The following TMED1 variants were observed in gnomAD, a reference collection of about 807,000 sequenced individuals.
The protein encoded by TMED1 is transmembrane emp24 domain-containing protein 1.
TMED1 carries 20 observed loss-of-function variants against 21.2 expected under a neutral mutation model. That is an observed-to-expected ratio of 0.95 (90% CI 0.67 to 1.37). The LOEUF is 1.37. Ranked by LOEUF, TMED1 falls within the 40% of genes most tolerant of loss-of-function variation. The pLI is 0.00. For missense variants in TMED1, 316 were observed against 309.8 expected, an observed-to-expected ratio of 1.02 and a Z score of -0.15; for synonymous variants, 149 against 134.7, an observed-to-expected ratio of 1.11 and a Z score of -0.74.
chr19:10,833,840 G>A (rs1754699454), intron 3 of TMED1, among the ~76,000 whole-genome samples: 2 of 152,142 alleles, frequency 1.3e-5, no homozygotes. Flanking sequence ...AGGCTGCAAT[G>A]GGCTATGATC....
chr19:10,835,468 C>T (rs1357148320), intron 1 of TMED1, 115 bp from the exon 2 acceptor site: 2 of 1,499,690 alleles, frequency 1.3e-6, no homozygotes, highest in Non-Finnish European at 1.8e-6. Context: ...CTTACCTGAA[C>T]GGCGGCACAC....
At position 10,835,093 on chromosome 19, in the gene TMED1, G is replaced by A; in HGVS notation, c.306C>T (p.Asp102=). 6.2e-7 allele frequency: 1 copy of A among 1,614,124 alleles called. No individual in the cohort carries two copies. The highest frequency in any genetic ancestry group is 8.5e-7 in the Non-Finnish European group (1 of 1,179,988). Residue 102 remains aspartate (D), a synonymous_variant, in exon 3 of 4, where the codon GAC becomes GAT. Coordinates refer to ENST00000214869, the MANE Select transcript of TMED1 (RefSeq NM_006858.4). ...VHTVEPTEAG[D]YKLCFDNSFS... is the part of the protein sequence containing the mutation. ...AGGAGTTGTCAAAGCACAGCTTGTA[G>A]TCCCCGGCCTCCGTTGGCTCCACCC...
chr19:10,834,049 A>G (rs1948149563), intron 3 of TMED1, among the ~76,000 whole-genome samples: 1 of 152,194 alleles, frequency 6.6e-6, no homozygotes, highest in South Asian at 2.1e-4. Flanking sequence ...TGGCACAGCT[A>G]TTCAGGAGGC....
Position 10,832,192 on chromosome 19 carries a change from AC to A in TMED1, c.*802del. On this transcript the variant is annotated 3_prime_UTR_variant, in exon 4 of 4. Coordinates refer to ENST00000214869, the MANE Select transcript of TMED1 (RefSeq NM_006858.4). ...GGTGAAGCGGGGACCCCAGCGCTCCACCCCCTTCCTACCCTCAGGCCCTGCT... is the reference window on the plus strand; with the variant it reads ...GGTGAAGCGGGGACCCCAGCGCTCCACCCCTTCCTACCCTCAGGCCCTGCT... 1 of 975,884 alleles carries A rather than the reference AC, an allele frequency of 1.0e-6. No homozygotes were observed. The highest frequency in any genetic ancestry group is 1.4e-6 in the Non-Finnish European group (1 of 705,182). 60.5% of individuals were successfully genotyped at this position (975,884 alleles called of 1,614,324 possible).
In TMED1 at chr19:10,835,220, T is replaced by C. The variant is rs201019318; in HGVS notation, c.281+36A>G. ...AGGCCGCCTGGGAAGGGCAGGGCTGTAACTGAACCCAGGCAGGCATCAAGA... is the reference window on the plus strand; with the variant it reads ...AGGCCGCCTGGGAAGGGCAGGGCTGCAACTGAACCCAGGCAGGCATCAAGA... On this transcript the variant is annotated intron_variant, in intron 2 of 3. Transcript: ENST00000214869. The C allele has an allele frequency of 5.5e-5, 89 of 1,613,722 alleles. No homozygotes were observed. In the East Asian group the frequency reaches 1.5e-3, roughly 28 times the overall value.
Position 10,832,181 on chromosome 19 carries a change from C to G in TMED1, c.*814G>C, listed in dbSNP as rs1446234197. On this transcript the variant is annotated 3_prime_UTR_variant, in exon 4 of 4. Coordinates refer to ENST00000214869, the MANE Select transcript of TMED1 (RefSeq NM_006858.4). ...GGCTGCTGCCTGGTGAAGCGGGGAC[C>G]CCAGCGCTCCACCCCCTTCCTACCC... is the stretch of plus-strand genomic sequence containing the variant. 1.2e-6 allele frequency: 1 copy of G among 859,830 alleles called. No individual in the cohort carries two copies. The highest frequency in any genetic ancestry group is 1.7e-6 in the Non-Finnish European group (1 of 602,224). The allele number at this position is 859,830 out of a possible 1,614,324, so 53.3% of individuals were successfully genotyped here.
In TMED1 at chr19:10,832,882, G is replaced by T; in HGVS notation, c.*113C>A. 8.1e-7 allele frequency: 1 copy of T among 1,240,166 alleles called. No individual in the cohort carries two copies. The highest frequency in any genetic ancestry group is 1.1e-6 in the Non-Finnish European group (1 of 887,610). 76.8% of individuals were successfully genotyped at this position (1,240,166 alleles called of 1,614,324 possible). Reference sequence around the variant, plus strand: ...CTCATGGGGCCAGACCGCAGGCCCTGACTGCACACTCCCGTTTTGGCAGGA... The same window carrying T: ...CTCATGGGGCCAGACCGCAGGCCCTTACTGCACACTCCCGTTTTGGCAGGA... On this transcript the variant is annotated 3_prime_UTR_variant, in exon 4 of 4. Transcript: ENST00000214869.
In TMED1 at chr19:10,835,530, A is replaced by C. The variant is rs2073418016; in HGVS notation, c.184-177T>G. ...GGCTGCGCCCCTTGCCTCCACCCTCATTGATATGACAGCTTGGGGTCCATA... is the reference window on the plus strand; with the variant it reads ...GGCTGCGCCCCTTGCCTCCACCCTCCTTGATATGACAGCTTGGGGTCCATA... On this transcript the variant is annotated intron_variant, in intron 1 of 3. Transcript: ENST00000214869. The C allele has an allele frequency of 2.1e-6, 3 of 1,455,716 alleles. No homozygotes were observed. In the East Asian group the frequency reaches 7.5e-5, roughly 36 times the overall value. 90.2% of individuals were successfully genotyped at this position (1,455,716 alleles called of 1,614,324 possible).
At chr19:10,835,700 C>T (rs2073420171) in intron 1 of TMED1, 1 of 1,403,370 alleles carries the variant, frequency 7.1e-7, no homozygotes, top group Non-Finnish European at 9.3e-7. Flanking sequence ...GGCAACGCCC[C>T]CGCAGTTGAC....
chr19:10,834,929 C>T lies in TMED1; in HGVS notation c.465+5G>A. ...AGGAGTGGCCCCAGCGCAGCCTGGA[C>T]ACACCTTGATGTCCTCCATTTTAAC... On this transcript the variant is annotated splice_donor_5th_base_variant and intron_variant, in intron 3 of 3. Transcript: ENST00000214869. 1 of 1,612,878 alleles carries T rather than the reference C, an allele frequency of 6.2e-7. No individual in the cohort carries two copies.
chr19:10,832,972 C>T lies in TMED1; in HGVS notation c.*23G>A, dbSNP rs200797040. On this transcript the variant is annotated 3_prime_UTR_variant, in exon 4 of 4. Coordinates refer to ENST00000214869, the MANE Select transcript of TMED1 (RefSeq NM_006858.4). ...ACACCCTGCTGCCCCTCCTTTGTCC[C>T]GTTCTTCCTTCCATGGCAGGGGCTA... is the stretch of plus-strand genomic sequence containing the variant. 2.5e-4 allele frequency: 406 copies of T among 1,607,404 alleles called. 7 individuals are homozygous for T. In the East Asian group the frequency reaches 8.8e-3, roughly 35 times the overall value.
Position 10,833,207 on chromosome 19 carries a change from T to G in TMED1, c.472A>C (p.Ile158Leu). 1 of 1,612,442 alleles carries G rather than the reference T, an allele frequency of 6.2e-7. No individual in the cohort carries two copies. The highest frequency in any genetic ancestry group is 8.5e-7 in the Non-Finnish European group (1 of 1,179,524). Residue 158 changes from isoleucine (I) to leucine (L), a missense_variant, in exon 4 of 4, where the codon ATT (isoleucine) becomes CTT (leucine). Transcript: ENST00000214869. ...DVKMEDIKES[I>L]ETMRTRLERS... ...TCCAGCCGGGTCCGCATGGTCTCAA[T>G]GGACTCCTACAGGGCAGCGGGAGGG...
At chr19:10,834,283 T>G (rs2073397455) in intron 3 of TMED1, among the ~76,000 whole-genome samples, 1 of 152,152 alleles carries the variant, frequency 6.6e-6, no homozygotes, top group Admixed American at 6.6e-5. Context: ...TTGGTCTGTG[T>G]GGCCGTGAGT....
At position 10,832,758 on chromosome 19, in the gene TMED1, G is replaced by A; in HGVS notation, c.*237C>T. 1 of 604,400 alleles carries A rather than the reference G, an allele frequency of 1.7e-6. No homozygotes were observed. Among genetic ancestry groups the A allele is most frequent in the Non-Finnish European group, 2.9e-6 (1 of 341,340 alleles). The allele number at this position is 604,400 out of a possible 1,614,324, so 37.4% of individuals were successfully genotyped here. The stretch of plus-strand genomic sequence containing the variant: ...CCGAGGCTCACGTTCCAACGCTGCA[G>A]TGCCCACCATGTGAGATTTCCAGGA... On this transcript the variant is annotated 3_prime_UTR_variant, in exon 4 of 4. Transcript: ENST00000214869.
chr19:10,832,067 T>A lies in TMED1; in HGVS notation c.*928A>T, dbSNP rs1393180714. Among the ~76,000 whole-genome samples, 2 of 152,090 alleles carry A rather than the reference T, an allele frequency of 1.3e-5. No homozygotes were observed. The highest frequency in any genetic ancestry group is 4.8e-5 in the African/African-American group (2 of 41,404). On this transcript the variant is annotated 3_prime_UTR_variant, in exon 4 of 4. Transcript: ENST00000214869. ...TCACCTTTCAGAGGAAGCCACTCGA[T>A]ACAGGGGAGAGCTTTTACTTTCCTT...
Position 10,836,163 on chromosome 19 carries a change from A to T in TMED1, c.29T>A (p.Leu10Gln). 4 of 1,558,344 alleles carry T rather than the reference A, an allele frequency of 2.6e-6. No homozygotes were observed. In the South Asian group the frequency reaches 3.5e-5, roughly 14 times the overall value. The change falls in exon 1 of 4, where the codon CTG (leucine) becomes CAG (glutamine). Residue 10 changes from leucine (L) to glutamine (Q), a missense_variant. Physicochemically the swap from Leu to Gln is moderately radical, Grantham distance 113. Coordinates refer to ENST00000214869, the MANE Select transcript of TMED1 (RefSeq NM_006858.4). ...TGGTGGCATTAGTAGCCACAAGGCC[A>T]GGGCTAGGGCCGCGCCGGCCGCCAT... MMAAGAALA[L>Q]ALWLLMPPVE...
At chr19:10,833,246 T>TCCCTCCACCCA in intron 3 of TMED1, 33 bp from the exon 4 acceptor site, 1 of 1,569,952 alleles carries the variant, frequency 6.4e-7, no homozygotes. Context: ...GGGTCAGGCC[T>TCCCTCCACCCA]CCCTCCACCC....
Position 10,835,255 on chromosome 19 carries a change from C to A in TMED1, c.281+1G>T. The stretch of plus-strand genomic sequence containing the variant: ...CAGGCAGGCATCAAGACTGAACTCA[C>A]GTGTGTACCCCATCAGCCTTGCGGG... On this transcript the variant is annotated splice_donor_variant, in intron 2 of 3. Transcript: ENST00000214869. LOFTEE classifies it high-confidence loss of function. 1 of 1,614,134 alleles carries A rather than the reference C, an allele frequency of 6.2e-7. No individual in the cohort carries two copies. The highest frequency in any genetic ancestry group is 8.5e-7 in the Non-Finnish European group (1 of 1,180,016).
intron 1 of TMED1, 90 bp downstream of exon 1, chr19:10,835,919 C>T: frequency 6.8e-7 from 1 of 1,465,740 alleles, no homozygotes; most frequent in Non-Finnish European, 9.0e-7. Context: ...CGGATTCCTC[C>T]CCCTTCCTCC....
Sources: allele counts gnomAD v4.1 joint callset (sites outside exome capture counted in the v4.1 genomes callset), GRCh38; gene constraint gnomAD v4.1.1; transcripts MANE v1.5; gene names NCBI Gene and HGNC (gene_info 2026-07-23, HGNC 2026-07-21).